KHDRBS2: variants seen among roughly 807,000 people sequenced by gnomAD.
KHDRBS2 encodes KH RNA binding domain containing, signal transduction associated 2.
Under a neutral mutation model 44.3 loss-of-function variants are expected in KHDRBS2, and 26 were observed. The ratio of observed to expected loss-of-function variants is 0.59; its 90% confidence interval spans 0.43 to 0.81. The LOEUF is 0.81. Among genes scored for constraint, KHDRBS2 ranks in the 40% least tolerant of loss-of-function variants. KHDRBS2 has a pLI of 0.00. For missense variants in KHDRBS2, 476 were observed against 433.1 expected (o/e 1.10, Z -0.88); for synonymous variants, 194 against 151.1 (o/e 1.28, Z -2.08).
At chr6:61,999,370 C>A (rs966463070) in intron 3 of KHDRBS2, among the ~76,000 whole-genome samples, 1 of 151,980 alleles carries the variant, frequency 6.6e-6, no homozygotes, top group South Asian at 2.1e-4. Flanking sequence ...ATGTTATGTA[C>A]GTATGGAGAA....
intron 4 of KHDRBS2, among the ~76,000 whole-genome samples, chr6:61,957,654 T>A (rs571137923): frequency 2.6e-5 from 4 of 152,312 alleles, no homozygotes; most frequent in East Asian, 3.9e-4. Context: ...TGTCTCCTGA[T>A]AAGATGTTAT....
At chr6:61,592,785 G>C in the KHDRBS2 span, among the ~76,000 whole-genome samples, 1 of 152,070 alleles carries the variant, frequency 6.6e-6, no homozygotes, top group Non-Finnish European at 1.5e-5. Flanking sequence ...TGTGAGATAA[G>C]AGATTGGCGA....
the KHDRBS2 span, among the ~76,000 whole-genome samples, chr6:61,550,846 C>T: frequency 7.0e-6 from 1 of 143,778 alleles, no homozygotes; most frequent in Non-Finnish European, 1.5e-5. Context: ...GATCTCGGCT[C>T]ACTGCAGCCT....
intron 6 of KHDRBS2, among the ~76,000 whole-genome samples, chr6:61,737,361 T>A (rs1477260961): frequency 2.0e-5 from 3 of 152,114 alleles, no homozygotes; most frequent in African/African-American, 7.2e-5. Flanking sequence ...ATTTTTCCAA[T>A]ACTTGATATA....
At chr6:61,695,352 A>G (rs1384188733) in intron 8 of KHDRBS2, among the ~76,000 whole-genome samples, 4 of 152,164 alleles carry the variant, frequency 2.6e-5, no homozygotes, top group African/African-American at 9.7e-5. Flanking sequence ...TTCTCACCTG[A>G]AAAATGCAGA....
intron 1 of KHDRBS2, among the ~76,000 whole-genome samples, chr6:62,242,225 G>A (rs1834791168): frequency 6.6e-6 from 1 of 152,140 alleles, no homozygotes; most frequent in Non-Finnish European, 1.5e-5. Context: ...TTCTGCAGGA[G>A]TTTTAACTTA....
intron 6 of KHDRBS2, among the ~76,000 whole-genome samples, chr6:61,893,677 C>G (rs983465724): frequency 2.0e-4 from 31 of 152,182 alleles, no homozygotes; most frequent in African/African-American, 6.5e-4. Flanking sequence ...CATGTTCTCA[C>G]TCATAGGTGG....
chr6:61,590,881 T>C, the KHDRBS2 span, among the ~76,000 whole-genome samples: 3 of 152,308 alleles, frequency 2.0e-5, no homozygotes, highest in South Asian at 4.1e-4. Context: ...ATTCTGTTCA[T>C]AGTCATGGGA....
the KHDRBS2 span, among the ~76,000 whole-genome samples, chr6:61,647,659 G>A: frequency 6.6e-6 from 1 of 152,128 alleles, no homozygotes; most frequent in Admixed American, 6.6e-5. Context: ...TTCATTTAAT[G>A]TATGACATGT....
At chr6:61,964,059 C>A (rs1401955044) in intron 4 of KHDRBS2, among the ~76,000 whole-genome samples, 2 of 151,966 alleles carry the variant, frequency 1.3e-5, no homozygotes, top group Non-Finnish European at 1.5e-5. Context: ...ACATGTACTT[C>A]TTTTCCTCTG....
chr6:61,614,124 T>C, the KHDRBS2 span, among the ~76,000 whole-genome samples: 4 of 152,210 alleles, frequency 2.6e-5, no homozygotes, highest in Non-Finnish European at 2.9e-5. Context: ...GGTTCCCAAA[T>C]AGTGAGAACC....
chr6:61,928,526 A>C (rs1809399215), intron 4 of KHDRBS2, among the ~76,000 whole-genome samples: 1 of 151,962 alleles, frequency 6.6e-6, no homozygotes, highest in Admixed American at 6.5e-5. Flanking sequence ...TCATATTGTT[A>C]TTCACAATGA....
intron 7 of KHDRBS2, among the ~76,000 whole-genome samples, chr6:61,723,065 C>T (rs557485701): frequency 6.6e-6 from 1 of 152,120 alleles, no homozygotes; most frequent in East Asian, 1.9e-4. Flanking sequence ...ACTGGTGATA[C>T]CTTCAGGTAT....
intron 6 of KHDRBS2, among the ~76,000 whole-genome samples, chr6:61,877,274 A>C (rs1799556907): frequency 6.6e-6 from 1 of 151,986 alleles, no homozygotes; most frequent in Admixed American, 6.6e-5. Flanking sequence ...GAAAATTAGG[A>C]AGCCAGAGGA....
the KHDRBS2 span, among the ~76,000 whole-genome samples, chr6:61,576,774 A>AT: frequency 6.6e-6 from 1 of 152,166 alleles, no homozygotes; most frequent in Non-Finnish European, 1.5e-5. Flanking sequence ...AAGTCTAAAA[A>AT]TTTCATCATC....
chr6:61,633,124 T>G, the KHDRBS2 span, among the ~76,000 whole-genome samples: 2 of 152,098 alleles, frequency 1.3e-5, no homozygotes, highest in African/African-American at 4.8e-5. Flanking sequence ...GGTAATTTAG[T>G]GTTTCTTATT....
intron 6 of KHDRBS2, among the ~76,000 whole-genome samples, chr6:61,753,879 C>T (rs1778102796): frequency 1.3e-5 from 2 of 152,078 alleles, no homozygotes; most frequent in Admixed American, 6.6e-5. Context: ...TAGGCTTTAA[C>T]TACCATCAGA....
intron 1 of KHDRBS2, among the ~76,000 whole-genome samples, chr6:62,261,099 G>A (rs1838260406): frequency 6.6e-6 from 1 of 151,710 alleles, no homozygotes. Context: ...AAAAACTGAA[G>A]GGATCCCAAA....
chr6:61,807,823 G>A (rs1787409739), intron 6 of KHDRBS2, among the ~76,000 whole-genome samples: 2 of 151,864 alleles, frequency 1.3e-5, no homozygotes, highest in Admixed American at 6.6e-5. Context: ...GAACCTAAAA[G>A]TTAAAATAAA....
Sources: allele counts gnomAD v4.1 joint callset (sites outside exome capture counted in the v4.1 genomes callset), GRCh38; gene constraint gnomAD v4.1.1; transcripts MANE v1.5; gene names NCBI Gene and HGNC (gene_info 2026-07-23, HGNC 2026-07-21).